The following NACAD variants were observed in gnomAD, a reference collection of about 807,000 sequenced individuals.
NACAD encodes NAC-alpha domain-containing protein 1.
A neutral mutation model predicts 98.9 loss-of-function variants in NACAD; 47 were observed. The ratio of observed to expected loss-of-function variants is 0.48; its 90% CI spans 0.38 to 0.61. The LOEUF (loss-of-function observed/expected upper bound fraction) is 0.61, where lower values mean the gene tolerates loss of function less well. Among genes scored for constraint, NACAD ranks in the 20% least tolerant of loss-of-function variants. NACAD has a pLI of 0.00. For synonymous variants in NACAD, 696 were observed against 767.2 expected (o/e 0.91, Z 1.53); for missense variants, 1,412 against 1,748.2 (o/e 0.81, Z 3.43).
rs1484086204 is a variant in NACAD at position 45,082,409 on chromosome 7, G to T, written c.3771C>A (p.Asp1257Glu). Reference sequence around the variant, plus strand: ...CTGGGGGCTCCTCGTCTTCCACAGAGTCTTCCTGGGGGTCCTGGCACAGGC... The same window carrying T: ...CTGGGGGCTCCTCGTCTTCCACAGATTCTTCCTGGGGGTCCTGGCACAGGC... ...APCLCQDPQE[D>E]SVEDEEPPGS... The change falls in exon 2 of 8, where the codon GAC becomes GAA. Residue 1257 changes from aspartate to glutamate, a missense_variant. Physicochemically the swap from Asp to Glu is conservative, Grantham distance 45. Coordinates refer to ENST00000490531, the MANE Select transcript of NACAD (RefSeq NM_001146334.2). This position sits in a 1 kb window ranked among gnomAD's most constrained non-coding sequence, Gnocchi z 4.5. 6.5e-7 allele frequency: 1 copy of T among 1,549,378 alleles called. No homozygotes were observed. Among genetic ancestry groups the T allele is most frequent in the Admixed American group, 2.0e-5 (1 of 50,932 alleles).
intron 5 of NACAD, 33 bp downstream of exon 5, chr7:45,081,084 G>GATATCCCCCT (rs755496126): frequency 2.5e-5 from 38 of 1,550,846 alleles, no homozygotes; most frequent in Non-Finnish European, 1.7e-6. Flanking sequence ...CTATCCCTCG[G>GATATCCCCCT]ATCCCCCATT....
At chr7:45,087,664 T>G (rs1784540626) in intron 1 of NACAD, among the ~76,000 whole-genome samples, 1 of 152,278 alleles carries the variant, frequency 6.6e-6, no homozygotes, top group Non-Finnish European at 1.5e-5. Context: ...CCCTGAGCCC[T>G]GAACCACCAG....
intron 1 of NACAD, 115 bp from the exon 2 acceptor site, chr7:45,086,227 G>T: frequency 1.7e-6 from 2 of 1,179,650 alleles, no homozygotes; most frequent in Non-Finnish European, 2.3e-6. Flanking sequence ...GATCCAGGAA[G>T]GCAGGAGAGA....
rs937697219 is a variant in NACAD, at chr7:45,083,444, C to A, written c.2736G>T (p.Glu912Asp). 9.7e-6 allele frequency: 15 copies of A among 1,547,552 alleles called. No individual in the cohort carries two copies. The highest frequency in any genetic ancestry group is 2.0e-5 in the Admixed American group (1 of 50,782). ...CGGAGTCCTGGGGTAAGGTGAGGCC[C>A]TCTTCAGCCTGCTGGGACACAGGCG... ...AATPVSQQAE[E>D]GLTLPQDSAM... The change falls in exon 2 of 8, where the codon GAG becomes GAT. Residue 912 changes from glutamate to aspartate, a missense_variant. Around this residue, in one of 5 missense-constraint regions of NACAD, gnomAD observed 72 missense variants for 198.0 expected, o/e 0.36. Transcript: ENST00000490531.
At position 45,082,124 on chromosome 7, in the gene NACAD, C is replaced by CT; in HGVS notation, c.4055dup (p.Asp1353GlyfsTer19). On this transcript the variant is annotated frameshift_variant, in exon 2 of 8. Coordinates refer to ENST00000490531, the MANE Select transcript of NACAD (RefSeq NM_001146334.2). LOFTEE classifies it high-confidence loss of function. The surrounding 1 kb of genome is among the most constrained non-coding windows in gnomAD (Gnocchi z 4.5). ...CTGCCTTACCTTCCTCCAGGCTGTCCTCATCCTCTTGCTGCTCGGGGGCTG... is the reference window on the plus strand; with the variant it reads ...CTGCCTTACCTTCCTCCAGGCTGTCCTTCATCCTCTTGCTGCTCGGGGGCTG... The CT allele has an allele frequency of 6.8e-7, 1 of 1,479,236 alleles. No individual in the cohort carries two copies. 91.6% of individuals were successfully genotyped at this position (1,479,236 alleles called of 1,614,324 possible). A position where few individuals can be genotyped will look rare whatever the true frequency, so the allele number is the denominator to read the frequency against.
At position 45,088,896 on chromosome 7, in the gene NACAD, G is replaced by GT; in HGVS notation, c.-3_-2insA. Reference sequence around the variant, plus strand: ...GGCGCGGGCAGCCTCCCCAGGCATGGCCTGGCCGTGCGCCCGCCCGTCCCT... The same window carrying GT: ...GGCGCGGGCAGCCTCCCCAGGCATGGTCCTGGCCGTGCGCCCGCCCGTCCCT... On this transcript the variant is annotated 5_prime_UTR_variant, in exon 1 of 8. Transcript: ENST00000490531. This position sits in a 1 kb window ranked among gnomAD's most constrained non-coding sequence, Gnocchi z 5.7. 4 of 1,432,898 alleles carry GT rather than the reference G, an allele frequency of 2.8e-6. No homozygotes were observed. Among genetic ancestry groups the GT allele is most frequent in the Non-Finnish European group, 3.7e-6 (4 of 1,094,866 alleles). The allele number at this position is 1,432,898 out of a possible 1,614,324, so 88.8% of individuals were successfully genotyped here.
In NACAD at chr7:45,083,131, C is replaced by T. The variant is rs1481765689; in HGVS notation, c.3049G>A (p.Glu1017Lys). Reference sequence around the variant, plus strand: ...ATGCCCAAAGTGGAATCCGCATCTTCCTGTGCGGCCCAAGGTGTCCCAGCT... The same window carrying T: ...ATGCCCAAAGTGGAATCCGCATCTTTCTGTGCGGCCCAAGGTGTCCCAGCT... ...AEAGTPWAAQ[E>K]DADSTLGMEA... Residue 1017 changes from glutamate to lysine, a missense_variant, in exon 2 of 8, where the codon GAA becomes AAA. By Grantham distance (56) the Glu-to-Lys change is moderately conservative (BLOSUM62 1). Around this residue, in one of 5 missense-constraint regions of NACAD, gnomAD observed 572 missense variants for 639.6 expected, o/e 0.89. Coordinates refer to ENST00000490531, the MANE Select transcript of NACAD (RefSeq NM_001146334.2). 2.6e-6 allele frequency: 4 copies of T among 1,550,822 alleles called. No individual in the cohort carries two copies. The Admixed American group carries it at 7.8e-5, about 30-fold the overall frequency.
Position 45,085,456 on chromosome 7 carries a change from C to A in NACAD, c.724G>T (p.Ala242Ser). 1 of 1,549,784 alleles carries A rather than the reference C, an allele frequency of 6.5e-7. No individual in the cohort carries two copies. Among genetic ancestry groups the A allele is most frequent in the Non-Finnish European group, 8.7e-7 (1 of 1,146,464 alleles). ...PSCSLSLLAP[A>S]EGLDFPSGWG... The stretch of plus-strand genomic sequence containing the variant: ...CCTGAGGGGAAGTCCAGCCCTTCAG[C>A]CGGAGCCAGCAGGCTGAGGGAACAG... The change falls in exon 2 of 8, where the codon GCT becomes TCT. Residue 242 changes from alanine (A) to serine (S), a missense_variant. Coordinates refer to ENST00000490531, the MANE Select transcript of NACAD (RefSeq NM_001146334.2). The surrounding 1 kb of genome is among the most constrained non-coding windows in gnomAD (Gnocchi z 6.1).
chr7:45,081,186 A>G lies in NACAD; in HGVS notation c.4335T>C (p.Phe1445=). The G allele has an allele frequency of 1.3e-6, 2 of 1,551,498 alleles. No individual in the cohort carries two copies. Among genetic ancestry groups the G allele is most frequent in the East Asian group, 2.4e-5 (1 of 40,924 alleles). The change falls in exon 5 of 8, where the codon TTT becomes TTC. Residue 1445 remains phenylalanine, a synonymous_variant. Transcript: ENST00000490531. The part of the protein sequence containing the change: ...ITIQKSKNIL[F]VIAKPDVFKS... ...TGAAGACATCAGGCTTGGCGATGAC[A>G]AAGAGGATGTTCTTGGACTTCTGGA... is the stretch of plus-strand genomic sequence containing the variant.
intron 1 of NACAD, among the ~76,000 whole-genome samples, chr7:45,087,810 G>C (rs987595302): frequency 2.0e-5 from 3 of 152,224 alleles, no homozygotes; most frequent in African/African-American, 7.2e-5. Context: ...GGGCATCACT[G>C]GGTGCCCTGA....
Position 45,088,782 on chromosome 7 carries a change from G to C in NACAD, c.67+46C>G. On this transcript the variant is annotated intron_variant, in intron 1 of 7. Transcript: ENST00000490531. This position sits in a 1 kb window ranked among gnomAD's most constrained non-coding sequence, Gnocchi z 5.7. ...AGCGATGGAAAGAGAACCCGGGCTGGAGAGGGGAGAGGCTGAAGGCAGGGA... is the reference window on the plus strand; with the variant it reads ...AGCGATGGAAAGAGAACCCGGGCTGCAGAGGGGAGAGGCTGAAGGCAGGGA... 1 of 1,441,548 alleles carries C rather than the reference G, an allele frequency of 6.9e-7. No homozygotes were observed. The allele number at this position is 1,441,548 out of a possible 1,614,324, so 89.3% of individuals were successfully genotyped here. A position where few individuals can be genotyped will look rare whatever the true frequency, so the allele number is the denominator to read the frequency against.
chr7:45,081,709 G>C (rs1363177880), intron 3 of NACAD, 37 bp from the exon 4 acceptor site: 9 of 1,551,064 alleles, frequency 5.8e-6, no homozygotes, highest in Non-Finnish European at 7.0e-6. Context: ...CATGGGTGGG[G>C]TGTGGGGCCC....
intron 3 of NACAD, 25 bp from the exon 4 acceptor site, chr7:45,081,697 T>A (rs1478020562): frequency 6.4e-7 from 1 of 1,551,184 alleles, no homozygotes; most frequent in Non-Finnish European, 8.7e-7. Context: ...GGGCTGAGCA[T>A]CCATGGGTGG....
chr7:45,084,804 G>C lies in NACAD; in HGVS notation c.1376C>G (p.Ser459Cys), dbSNP rs1231069063. The C allele has an allele frequency of 6.4e-7, 1 of 1,550,980 alleles. No homozygotes were observed. Among genetic ancestry groups the C allele is most frequent in the Admixed American group, 2.0e-5 (1 of 50,968 alleles). ...PQTSDRGAYL[S>C]QRQELISEVT... is the part of the protein sequence containing the mutation. ...TTCTGAGATCAATTCCTGTCTCTGG[G>C]ACAGATAGGCCCCTCTGTCTGAGGT... The change falls in exon 2 of 8, where the codon TCC becomes TGC. Residue 459 changes from serine (S) to cysteine (C), a missense_variant. Physicochemically the swap from Ser to Cys is moderately radical, Grantham distance 112. Transcript: ENST00000490531.
At position 45,085,037 on chromosome 7, in the gene NACAD, C is replaced by T; in HGVS notation, c.1143G>A (p.Arg381=). The change falls in exon 2 of 8, where the codon CGG becomes CGA. Residue 381 remains arginine (R), a synonymous_variant. Transcript: ENST00000490531. This position sits in a 1 kb window ranked among gnomAD's most constrained non-coding sequence, Gnocchi z 6.1. ...TEGMDEAFAF[R]DDTSAASSDS... ...CAGAGGAGGCTGCAGAGGTGTCGTC[C>T]CGGAAGGCAAAAGCCTCGTCCATGC... 6.4e-7 allele frequency: 1 copy of T among 1,550,910 alleles called. No individual in the cohort carries two copies.
rs1359121420 is a variant in NACAD, at chr7:45,083,183, T to C, written c.2997A>G (p.Gln999=). The C allele has an allele frequency of 1.3e-6, 2 of 1,550,762 alleles. No homozygotes were observed. The highest frequency in any genetic ancestry group is 2.4e-5 in the East Asian group (1 of 40,930). Residue 999 remains glutamine, a synonymous_variant, in exon 2 of 8, where the codon CAA becomes CAG. Coordinates refer to ENST00000490531, the MANE Select transcript of NACAD (RefSeq NM_001146334.2). ...VPEPAALDQV[Q]QDDPQPAAEA... is the part of the protein sequence containing the mutation. ...CTGCAGCTGGCTGTGGGTCATCCTG[T>C]TGGACCTGGTCCAAGGCTGCAGGCT...
In NACAD at chr7:45,088,380, T is replaced by C. The variant is rs1784552955; in HGVS notation, c.67+448A>G. ...CTCCTCCCTCCAGAGCCATGACCAG[T>C]CGCCGGCCCAGGACAGACCGGGTGC... On this transcript the variant is annotated intron_variant, in intron 1 of 7. Coordinates refer to ENST00000490531, the MANE Select transcript of NACAD (RefSeq NM_001146334.2). This position sits in a 1 kb window ranked among gnomAD's most constrained non-coding sequence, Gnocchi z 5.7. Among the ~76,000 whole-genome samples the C allele has an allele frequency of 6.6e-6, 1 of 151,916 alleles. No homozygotes were observed. The highest frequency in any genetic ancestry group is 1.5e-5 in the Non-Finnish European group (1 of 67,982).
chr7:45,082,967 C>CT lies in NACAD; in HGVS notation c.3212dup (p.Glu1072GlyfsTer6). 6.4e-7 allele frequency: 1 copy of CT among 1,551,036 alleles called. No homozygotes were observed. The highest frequency in any genetic ancestry group is 8.7e-7 in the Non-Finnish European group (1 of 1,147,002). On this transcript the variant is annotated frameshift_variant, in exon 2 of 8. Coordinates refer to ENST00000490531, the MANE Select transcript of NACAD (RefSeq NM_001146334.2). LOFTEE classifies it high-confidence loss of function. This position sits in a 1 kb window ranked among gnomAD's most constrained non-coding sequence, Gnocchi z 4.5. ...GCTGGTTCTCAACCTCCAGGGTCTCCTTTTGGGGTGAGTCAGGCTTAGCCC... is the reference window on the plus strand; with the variant it reads ...GCTGGTTCTCAACCTCCAGGGTCTCCTTTTTGGGGTGAGTCAGGCTTAGCCC...
Position 45,082,012 on chromosome 7 carries a change from C to G in NACAD, c.4072+96G>C. On this transcript the variant is annotated intron_variant, in intron 2 of 7. Coordinates refer to ENST00000490531, the MANE Select transcript of NACAD (RefSeq NM_001146334.2). The surrounding 1 kb of genome is among the most constrained non-coding windows in gnomAD (Gnocchi z 4.5). ...TGGCTGTGGGGTCTGGGCCCCCCAC[C>G]TCGCCACCTCAGAGGCCCTCCAGCT... 6.8e-7 allele frequency: 1 copy of G among 1,459,868 alleles called. No homozygotes were observed. Among genetic ancestry groups the G allele is most frequent in the East Asian group, 2.5e-5 (1 of 40,356 alleles). The allele number at this position is 1,459,868 out of a possible 1,614,324, so 90.4% of individuals were successfully genotyped here. A position where few individuals can be genotyped will look rare whatever the true frequency, so the allele number is the denominator to read the frequency against.
Sources: allele counts gnomAD v4.1 joint callset (sites outside exome capture counted in the v4.1 genomes callset), GRCh38; gene constraint gnomAD v4.1.1; regional missense constraint gnomAD v4.1.1; non-coding constraint Gnocchi (gnomAD v3.1); transcripts MANE v1.5; gene names NCBI Gene and HGNC (gene_info 2026-07-23, HGNC 2026-07-21).